The following MYH6 variants were observed in gnomAD, a reference collection of about 807,000 sequenced individuals.
The protein encoded by MYH6 is myosin-6.
Under a neutral mutation model 223.2 loss-of-function variants are expected in MYH6, and 126 were observed. The observed-to-expected ratio is 0.56, with a 90% CI of 0.49 to 0.65. The LOEUF is 0.65. MYH6 is among the 30% of genes least tolerant of loss of function. The probability of loss-of-function intolerance (pLI) is 0.00; values close to 1 mark genes in which losing one functional copy is unlikely to be tolerated. For missense variants in MYH6, 2,040 were observed against 2,536.4 expected, an observed-to-expected ratio of 0.80 and a Z score of 4.20; for synonymous variants, 978 against 1,010.2, an observed-to-expected ratio of 0.97 and a Z score of 0.61.
In MYH6 at chr14:23,404,887, C is replaced by T. The variant is rs1891733490; in HGVS notation, c.531-65G>A. On this transcript the variant is annotated intron_variant, in intron 6 of 38. Coordinates refer to ENST00000405093, the MANE Select transcript of MYH6 (RefSeq NM_002471.4). ...CTGTTCTCCATACAGGGCTCAGCAT[C>T]ACATGCTCCCCTTCCCAGCCTGGCC... The T allele has an allele frequency of 1.3e-5, 20 of 1,536,090 alleles. No homozygotes were observed. In the East Asian group the frequency reaches 4.5e-4, roughly 35 times the overall value.
intron 20 of MYH6, among the ~76,000 whole-genome samples, chr14:23,394,568 CTGTT>C (rs1891338471): frequency 6.6e-6 from 1 of 152,190 alleles, no homozygotes; most frequent in Admixed American, 6.5e-5. Flanking sequence ...AATGTCTACT[CTGTT>C]TGGTTTTTCT....
intron 15 of MYH6, 107 bp from the exon 16 acceptor site, chr14:23,397,720 G>T: frequency 8.8e-7 from 1 of 1,141,850 alleles, no homozygotes; most frequent in Non-Finnish European, 1.3e-6. Context: ...CTTTGGGCAA[G>T]GAATTCTCCA....
chr14:23,404,308 G>A lies in MYH6; in HGVS notation c.723C>T (p.Asn241=), dbSNP rs144387990. Residue 241 remains asparagine, a synonymous_variant, in exon 8 of 39, where the codon AAC becomes AAT. Coordinates refer to ENST00000405093, the MANE Select transcript of MYH6 (RefSeq NM_002471.4). ...FGNAKTVRND[N]SSRFGKFIRI... is the part of the protein sequence containing the mutation. ...CAAAGGCACTCACAAAGCGGGAGGA[G>A]TTGTCGTTCCGGACAGTCTTGGCAT... 5 of 1,614,136 alleles carry A rather than the reference G, an allele frequency of 3.1e-6. No individual in the cohort carries two copies. Among genetic ancestry groups the A allele is most frequent in the East Asian group, 2.2e-5 (1 of 44,892 alleles).
chr14:23,385,799 G>A, intron 34 of MYH6, 129 bp downstream of exon 34: 1 of 1,299,208 alleles, frequency 7.7e-7, no homozygotes, highest in Non-Finnish European at 1.1e-6. Context: ...CCACAGATGA[G>A]AGTTGGCCTA....
At chr14:23,387,422 A>G in intron 32 of MYH6, 107 bp downstream of exon 32, 3 of 1,548,168 alleles carry the variant, frequency 1.9e-6, no homozygotes, top group Non-Finnish European at 2.6e-6. Flanking sequence ...AACAAAGAAT[A>G]TGGAATGAAT....
intron 3 of MYH6, 116 bp downstream of exon 3, chr14:23,406,907 C>T: frequency 1.8e-6 from 2 of 1,136,876 alleles, no homozygotes; most frequent in Non-Finnish European, 2.6e-6. Flanking sequence ...GTCCTGGCAT[C>T]CCCACTGGCC....
At position 23,398,784 on chromosome 14, in the gene MYH6, T is replaced by C; in HGVS notation, c.1835A>G (p.Lys612Arg). 1 of 1,614,216 alleles carries C rather than the reference T, an allele frequency of 6.2e-7. No homozygotes were observed. The highest frequency in any genetic ancestry group is 8.5e-7 in the Non-Finnish European group (1 of 1,180,044). ...AGTGGCCATGAGCTTGAGGGAGGAC[T>C]TCTGGTACAGGGCCACAACAGTCTC... ...LNETVVALYQ[K>R]SSLKLMATLF... Residue 612 changes from lysine (K) to arginine (R), a missense_variant, in exon 15 of 39, where the codon AAG (lysine) becomes AGG (arginine). Lys to Arg is a conservative substitution (Grantham distance 26). Transcript: ENST00000405093.
chr14:23,386,222 G>A (rs545374972), intron 33 of MYH6, 91 bp from the exon 34 acceptor site: 3 of 1,612,136 alleles, frequency 1.9e-6, no homozygotes, highest in African/African-American at 2.7e-5. Flanking sequence ...TAACCCAGGG[G>A]CAGGAGGAAT....
rs115520245 is a variant in MYH6 at position 23,401,606 on chromosome 14, C to T, written c.1142-629G>A. On this transcript the variant is annotated intron_variant, in intron 12 of 38. Transcript: ENST00000405093. ...GGCATATCCCCACCTTCACCATATC[C>T]CTCGCCTCTCCAGGGCAAGGGTGTG... Among the ~76,000 whole-genome samples the T allele has an allele frequency of 4.3e-3, 657 of 152,340 alleles. 9 individuals are homozygous for T. Among genetic ancestry groups the T allele is most frequent in the African/African-American group, 0.015 (617 of 41,580 alleles).
At chr14:23,404,480 G>C (rs1891713556) in intron 7 of MYH6, 92 bp from the exon 8 acceptor site, 12 of 1,465,720 alleles carry the variant, frequency 8.2e-6, no homozygotes, top group East Asian at 6.8e-5. Context: ...CCTGAGGAAT[G>C]GGGGTGCGGG....
chr14:23,388,602 A>G, intron 29 of MYH6: 1 of 857,442 alleles, frequency 1.2e-6, no homozygotes. Flanking sequence ...CCTCTGACCA[A>G]CAAGCTTTTT....
At chr14:23,400,048 CA>C in intron 14 of MYH6, 1 of 753,582 alleles carries the variant, frequency 1.3e-6, no homozygotes, top group Non-Finnish European at 2.2e-6. Flanking sequence ...GGGACCACCA[CA>C]AAGGGGCATA....
intron 6 of MYH6, 106 bp downstream of exon 6, chr14:23,404,994 G>A: frequency 6.4e-7 from 1 of 1,564,390 alleles, no homozygotes. Flanking sequence ...AGTGCCCCAT[G>A]CTCCCTGCAA....
chr14:23,403,245 AGGTG>A, intron 10 of MYH6, 99 bp downstream of exon 10: 1 of 970,746 alleles, frequency 1.0e-6, no homozygotes, highest in Non-Finnish European at 1.7e-6. Context: ...GTGAGCAGCA[AGGTG>A]GGGCACAGTG....
chr14:23,382,904 C>T (rs1303794355), intron 37 of MYH6, among the ~76,000 whole-genome samples: 1 of 152,198 alleles, frequency 6.6e-6, no homozygotes, highest in African/African-American at 2.4e-5. Flanking sequence ...TCCCCACTGC[C>T]CTGTGGCTAG....
At position 23,403,812 on chromosome 14, in the gene MYH6, C is replaced by A. The variant is rs11850295; in HGVS notation, c.736-34G>T. 5.7e-6 allele frequency: 9 copies of A among 1,569,520 alleles called. No individual in the cohort carries two copies. In the East Asian group the frequency reaches 1.6e-4, roughly 28 times the overall value. On this transcript the variant is annotated intron_variant, in intron 8 of 38. Transcript: ENST00000405093. Reference sequence around the variant, plus strand: ...GAATGGGACAGAGTGAGGGAACTGGCGGGAAGGACAGAGTGAAATCCTGGC... The same window carrying A: ...GAATGGGACAGAGTGAGGGAACTGGAGGGAAGGACAGAGTGAAATCCTGGC...
intron 14 of MYH6, among the ~76,000 whole-genome samples, chr14:23,399,277 C>T (rs537821823): frequency 5.1e-4 from 78 of 152,288 alleles, no homozygotes; most frequent in African/African-American, 1.9e-3. Context: ...TAATCACCCC[C>T]CACAAGGCCC....
At position 23,392,934 on chromosome 14, in the gene MYH6, G is replaced by A. The variant is rs371364790; in HGVS notation, c.3229C>T (p.Gln1077Ter). 3 of 1,614,012 alleles carry A rather than the reference G, an allele frequency of 1.9e-6. No individual in the cohort carries two copies. Among genetic ancestry groups the A allele is most frequent in the Non-Finnish European group, 2.5e-6 (3 of 1,180,054 alleles). The stretch of plus-strand genomic sequence containing the variant: ...TACTTCTTAAGCTTTTCTTCCAGCT[G>A]CAGTTTATCATTTTCCAGGTCCATG... ...SIMDLENDKL[Q>*]LEEKLKKKEF... Residue 1077 changes from glutamine (Q) to a stop codon, truncating the protein, a stop_gained, in exon 24 of 39, where the codon CAG becomes TAG. Transcript: ENST00000405093. LOFTEE classifies it high-confidence loss of function.
intron 15 of MYH6, among the ~76,000 whole-genome samples, chr14:23,398,024 C>CTTCTTCTT (rs1233804043): frequency 3.4e-4 from 34 of 99,698 alleles, no homozygotes; most frequent in South Asian, 7.1e-4. Context: ...TCTTCTTCTT[C>CTTCTTCTT]CTTCTATTTT....
Sources: gnomAD v4.1 joint callset for allele counts (sites outside exome capture counted in the v4.1 genomes callset) on GRCh38, gnomAD v4.1.1 for gene constraint, MANE v1.5 for transcripts, NCBI Gene and HGNC (gene_info 2026-07-23, HGNC 2026-07-21) for gene names.